TPTE2: variants seen among roughly 807,000 people sequenced by gnomAD.
TPTE2 encodes the protein phosphatidylinositol 3,4,5-trisphosphate 3-phosphatase TPTE2.
TPTE2 carries 53 observed loss-of-function variants against 78.6 expected under a neutral mutation model. The observed-to-expected ratio is 0.67, with a 90% CI of 0.54 to 0.85. The LOEUF is 0.85. Ranked by LOEUF, TPTE2 falls within the 40% of genes least tolerant of loss-of-function variation. The pLI is 0.00. For synonymous variants in TPTE2, 175 were observed against 206.2 expected, an observed-to-expected ratio of 0.85 and a Z score of 1.30; for missense variants, 461 against 623.0, an observed-to-expected ratio of 0.74 and a Z score of 2.77.
intron 1 of TPTE2, among the ~76,000 whole-genome samples, chr13:19,501,434 G>A (rs1417586400): frequency 0.015 from 1,873 of 129,022 alleles, 11 homozygotes; most frequent in Non-Finnish European, 0.024. Flanking sequence ...AAACAGCATG[G>A]TACTGGCACC....
At chr13:19,560,656 T>C in the TPTE2 span, 8 of 1,553,628 alleles carry the variant, frequency 5.1e-6, no homozygotes, top group Admixed American at 5.0e-5. Flanking sequence ...GGGCAAGGCA[T>C]AGAGCTTCTC....
intron 16 of TPTE2, among the ~76,000 whole-genome samples, chr13:19,431,473 C>T (rs1876597549): frequency 6.6e-6 from 1 of 152,034 alleles, no homozygotes; most frequent in Non-Finnish European, 1.5e-5. Context: ...CTCAATTCTA[C>T]ATTAATTTTA....
At chr13:19,453,082 C>T (rs1417689147) in intron 10 of TPTE2, among the ~76,000 whole-genome samples, 2 of 150,716 alleles carry the variant, frequency 1.3e-5, no homozygotes, top group East Asian at 3.9e-4. Flanking sequence ...GGCTGGAGTG[C>T]AAAGGTGCAA....
At chr13:19,499,098 A>C (rs1881584609) in intron 1 of TPTE2, among the ~76,000 whole-genome samples, 1 of 152,214 alleles carries the variant, frequency 6.6e-6, no homozygotes, top group Admixed American at 6.5e-5. Flanking sequence ...AGAAGAGCTA[A>C]CTATCCTAAA....
chr13:19,549,840 T>C, the TPTE2 span, among the ~76,000 whole-genome samples: 26 of 97,282 alleles, frequency 2.7e-4, 1 homozygote, highest in Admixed American at 1.9e-3. Flanking sequence ...AATGAGATCA[T>C]GGCCTTTGCT....
chr13:19,477,238 G>T (rs1358387615), intron 4 of TPTE2, among the ~76,000 whole-genome samples: 1 of 151,342 alleles, frequency 6.6e-6, no homozygotes, highest in Non-Finnish European at 1.5e-5. Context: ...AGAGAGAGGA[G>T]CAGAAAAGAT....
At chr13:19,521,622 AT>A (rs1870157617) in intron 1 of TPTE2, among the ~76,000 whole-genome samples, 2 of 151,660 alleles carry the variant, frequency 1.3e-5, no homozygotes, top group South Asian at 4.2e-4. Context: ...TACAATTTTT[AT>A]TTCTTTGTCA....
intron 17 of TPTE2, among the ~76,000 whole-genome samples, chr13:19,428,731 GA>G (rs375990972): frequency 0.033 from 4,712 of 142,430 alleles, 88 homozygotes; most frequent in Middle Eastern, 0.062. Flanking sequence ...CCTGGCTCAG[GA>G]AAAAAAAAAA....
At chr13:19,553,228 T>G in the TPTE2 span, among the ~76,000 whole-genome samples, 483 of 152,354 alleles carry the variant, frequency 3.2e-3, no homozygotes, top group Non-Finnish European at 5.6e-3. Context: ...GAGTAACATA[T>G]TATCATGTTG....
At chr13:19,497,087 C>T (rs1014353881) in intron 1 of TPTE2, among the ~76,000 whole-genome samples, 3 of 152,138 alleles carry the variant, frequency 2.0e-5, no homozygotes, top group African/African-American at 7.2e-5. Context: ...TTGCGCTTTT[C>T]TGAGGGGCTT....
chr13:19,474,413 T>G (rs1879816638), intron 5 of TPTE2, among the ~76,000 whole-genome samples: 1 of 152,210 alleles, frequency 6.6e-6, no homozygotes, highest in Non-Finnish European at 1.5e-5. Context: ...GTTTACAAAC[T>G]CTTCCTAAAA....
chr13:19,425,130 T>G lies in TPTE2; in HGVS notation c.1396-113A>C. ...ATATTTATCAAACAATTATAACCAT[T>G]AAATAGGTAGCACTCTGCAATCTAT... is the stretch of plus-strand genomic sequence containing the variant. On this transcript the variant is annotated intron_variant, in intron 18 of 19. Coordinates refer to ENST00000400230, the Ensembl canonical transcript of TPTE2. 4 of 549,022 alleles carry G rather than the reference T, an allele frequency of 7.3e-6. No homozygotes were observed. The South Asian group carries it at 9.6e-5, about 13-fold the overall frequency. The allele number at this position is 549,022 out of a possible 1,614,324, so 34.0% of individuals were successfully genotyped here. A position where few individuals can be genotyped will look rare whatever the true frequency, so the allele number is the denominator to read the frequency against.
At chr13:19,461,426 T>C (rs1453865772) in intron 10 of TPTE2, among the ~76,000 whole-genome samples, 1 of 152,016 alleles carries the variant, frequency 6.6e-6, no homozygotes. Context: ...ATTCTTTGTG[T>C]TGGGAACACT....
chr13:19,482,222 C>T (rs1381563481), intron 4 of TPTE2, among the ~76,000 whole-genome samples: 3 of 151,948 alleles, frequency 2.0e-5, no homozygotes, highest in South Asian at 2.1e-4. Flanking sequence ...TAAAAAAAAA[C>T]TTTTAATGGA....
chr13:19,427,957 C>T (rs1876260244), intron 17 of TPTE2, among the ~76,000 whole-genome samples: 1 of 152,144 alleles, frequency 6.6e-6, no homozygotes, highest in Non-Finnish European at 1.5e-5. Flanking sequence ...GTACATAACT[C>T]AATCTGTATG....
chr13:19,552,752 G>A, the TPTE2 span: 1 of 431,674 alleles, frequency 2.3e-6, no homozygotes, highest in Non-Finnish European at 4.0e-6. Context: ...ACAAGTCAAT[G>A]TAAATATCTT....
chr13:19,527,494 T>C (rs1045918449), intron 1 of TPTE2, among the ~76,000 whole-genome samples: 1 of 152,212 alleles, frequency 6.6e-6, no homozygotes, highest in Non-Finnish European at 1.5e-5. Context: ...ATAGTATATC[T>C]ACACAATGGA....
exon 17 of TPTE2, chr13:19,430,503 C>G: frequency 6.2e-7 from 1 of 1,610,700 alleles, no homozygotes. Flanking sequence ...GAAAAGACAA[C>G]CTTTTTCTCC....
rs578239658 is a variant in TPTE2 at position 19,443,526 on chromosome 13, C to T, written c.974-5373G>A. 3.7e-4 allele frequency among the ~76,000 whole-genome samples: 56 copies of T among 151,772 alleles called. 1 individual carries two copies. The South Asian group carries it at 0.011, about 29-fold the overall frequency. On this transcript the variant is annotated intron_variant, in intron 13 of 19. Coordinates refer to ENST00000400230, the Ensembl canonical transcript of TPTE2. ...TTTCAAGTGATTCTCGTGCCTCAGC[C>T]GGAGTAGCTGGCATTACAGGCATGT...
Sources: allele counts gnomAD v4.1 joint callset (sites outside exome capture counted in the v4.1 genomes callset), GRCh38; gene constraint gnomAD v4.1.1; transcripts MANE v1.5; gene names NCBI Gene and HGNC (gene_info 2026-07-23, HGNC 2026-07-21).